The following TEK variants were observed in gnomAD, a reference collection of about 807,000 sequenced individuals.
The protein encoded by TEK is angiopoietin-1 receptor.
In TEK, 43 loss-of-function variants were observed where a neutral mutation model predicts 131.8. The ratio of observed to expected loss-of-function variants is 0.33; its 90% CI spans 0.26 to 0.42. The LOEUF is 0.42. Among genes scored for constraint, TEK ranks in the 10% least tolerant of loss-of-function variants. The probability of loss-of-function intolerance (pLI) is 1.00; values close to 1 mark genes in which losing one functional copy is unlikely to be tolerated. For missense variants in TEK, 1,162 were observed against 1,384.4 expected, an observed-to-expected ratio of 0.84 and a Z score of 2.55; for synonymous variants, 580 against 491.6, an observed-to-expected ratio of 1.18 and a Z score of -2.38.
rs1302771890 is a variant in TEK at position 27,197,550 on chromosome 9, G to T, written c.1860G>T (p.Lys620Asn). 1.2e-6 allele frequency: 2 copies of T among 1,613,948 alleles called. No individual in the cohort carries two copies. Among genetic ancestry groups the T allele is most frequent in the East Asian group, 4.5e-5 (2 of 44,860 alleles). ...QYVVRARVNT[K>N]AQGEWSEDLT... The stretch of plus-strand genomic sequence containing the variant: ...TGGTCCGAGCTAGAGTCAACACCAA[G>T]GCCCAGGGGGAATGGAGTGAAGATC... Residue 620 changes from lysine to asparagine, a missense_variant, in exon 12 of 23, where the codon AAG (lysine) becomes AAT (asparagine). By Grantham distance (94) the Lys-to-Asn change is moderately conservative. Transcript: ENST00000380036.
In TEK at chr9:27,217,677, G is replaced by C; in HGVS notation, c.2992-11G>C. 1 of 1,613,532 alleles carries C rather than the reference G, an allele frequency of 6.2e-7. No homozygotes were observed. The highest frequency in any genetic ancestry group is 1.1e-5 in the South Asian group (1 of 91,074). On this transcript the variant is annotated splice_polypyrimidine_tract_variant and intron_variant, in intron 18 of 22. Transcript: ENST00000380036. Reference sequence around the variant, plus strand: ...TCCCAGTTAAGTGAAATCTCACTTTGTTCTCTCCAGGGAAGGCTCCCAGTG... The same window carrying C: ...TCCCAGTTAAGTGAAATCTCACTTTCTTCTCTCCAGGGAAGGCTCCCAGTG...
chr9:27,128,474 C>T (rs982835892), intron 1 of TEK, among the ~76,000 whole-genome samples: 1 of 152,002 alleles, frequency 6.6e-6, no homozygotes, highest in Non-Finnish European at 1.5e-5. Context: ...TTTTTTGGTT[C>T]CATATGAAAT....
chr9:27,197,293 T>C, intron 11 of TEK, 22 bp from the exon 12 acceptor site: 2 of 1,612,544 alleles, frequency 1.2e-6, no homozygotes, highest in Non-Finnish European at 1.7e-6. Flanking sequence ...ATAAAAATAA[T>C]GATTTTTCTG....
intron 1 of TEK, among the ~76,000 whole-genome samples, chr9:27,151,163 A>G (rs1823114167): frequency 6.6e-6 from 1 of 152,194 alleles, no homozygotes; most frequent in African/African-American, 2.4e-5. Context: ...TCTTCTTGGA[A>G]GGAATCTTGA....
At position 27,226,285 on chromosome 9, in the gene TEK, T is replaced by A. The variant is rs562218384; in HGVS notation, c.3201-1921T>A. On this transcript the variant is annotated intron_variant, in intron 21 of 22. Transcript: ENST00000380036. The stretch of plus-strand genomic sequence containing the variant: ...TACTATAAAGACACATGCACACGTA[T>A]GTTTATTGCAGCACTGTTCACAATA... 2.6e-5 allele frequency among the ~76,000 whole-genome samples: 4 copies of A among 152,370 alleles called. No individual in the cohort carries two copies. The South Asian group carries it at 8.3e-4, about 32-fold the overall frequency.
intron 10 of TEK, among the ~76,000 whole-genome samples, chr9:27,191,424 T>C (rs1193662916): frequency 3.9e-5 from 6 of 152,212 alleles, no homozygotes; most frequent in Admixed American, 6.5e-5. Context: ...GCAAAGAGCA[T>C]TATCAGTGAC....
intron 19 of TEK, among the ~76,000 whole-genome samples, chr9:27,218,130 T>TTGGGGGA (rs9298888): frequency 7.2e-6 from 1 of 139,514 alleles, no homozygotes; most frequent in South Asian, 2.5e-4. Flanking sequence ...GGCCAGACAG[T>TTGGGGGA]GGCGGGGGTC....
intron 1 of TEK, among the ~76,000 whole-genome samples, chr9:27,146,997 G>A (rs1822948836): frequency 6.6e-6 from 1 of 152,230 alleles, no homozygotes; most frequent in East Asian, 1.9e-4. Context: ...CCAAAGTGCT[G>A]GGATTACAGG....
intron 13 of TEK, 119 bp downstream of exon 13, chr9:27,203,238 C>A (rs1825285559): frequency 1.8e-6 from 2 of 1,099,758 alleles, no homozygotes; most frequent in Non-Finnish European, 2.7e-6. Context: ...AATGGACAGG[C>A]ATTTACAGAG....
intron 19 of TEK, among the ~76,000 whole-genome samples, chr9:27,218,534 C>G (rs1421573817): frequency 4.6e-5 from 7 of 152,014 alleles, no homozygotes; most frequent in Non-Finnish European, 1.0e-4. Context: ...GACAGTACCA[C>G]CTTGTAGTCT....
intron 3 of TEK, 149 bp downstream of exon 3, chr9:27,168,754 G>C: frequency 1.4e-6 from 1 of 698,372 alleles, no homozygotes; most frequent in East Asian, 2.8e-5. Context: ...GTGTATGATA[G>C]AAGCCCTCTT....
intron 1 of TEK, among the ~76,000 whole-genome samples, chr9:27,137,625 T>C (rs1822521862): frequency 6.6e-6 from 1 of 152,114 alleles, no homozygotes; most frequent in Non-Finnish European, 1.5e-5. Flanking sequence ...TATATATTTT[T>C]AAACTTACCT....
At chr9:27,210,135 T>C (rs970310126) in intron 16 of TEK, among the ~76,000 whole-genome samples, 1 of 152,244 alleles carries the variant, frequency 6.6e-6, no homozygotes, top group Non-Finnish European at 1.5e-5. Flanking sequence ...TATGATCCAA[T>C]AAGGGTGTAA....
chr9:27,114,272 A>G (rs1297690488), intron 1 of TEK, among the ~76,000 whole-genome samples: 2 of 152,212 alleles, frequency 1.3e-5, no homozygotes, highest in African/African-American at 4.8e-5. Context: ...AGTAACATCG[A>G]AATAATAATA....
rs1824317099 is a variant in TEK, at chr9:27,180,326, C to T, written c.988C>T (p.Leu330Phe). 2 of 1,613,744 alleles carry T rather than the reference C, an allele frequency of 1.2e-6. No homozygotes were observed. The highest frequency in any genetic ancestry group is 1.7e-6 in the Non-Finnish European group (2 of 1,179,836). Residue 330 changes from leucine (L) to phenylalanine (F), a missense_variant, in exon 7 of 23, where the codon CTC (leucine) becomes TTC (phenylalanine). Physicochemically the swap from Leu to Phe is conservative, Grantham distance 22. Coordinates refer to ENST00000380036, the MANE Select transcript of TEK (RefSeq NM_000459.5). Reference protein sequence around the residue: ...GEMCDRFQGCLCSPGWQGLQC... With the variant: ...GEMCDRFQGCFCSPGWQGLQC... ...GATGTGTGATCGCTTCCAAGGATGT[C>T]TCTGCTCTCCAGGATGGCAGGGGCT... is the stretch of plus-strand genomic sequence containing the variant.
chr9:27,172,848 G>A (rs894575463), intron 5 of TEK, 101 bp downstream of exon 5: 24 of 1,508,060 alleles, frequency 1.6e-5, no homozygotes, highest in Non-Finnish European at 1.8e-6. Context: ...GACGCTAAAT[G>A]GCCTCTGTTA....
chr9:27,145,304 T>C (rs1260689302), intron 1 of TEK, among the ~76,000 whole-genome samples: 1 of 152,216 alleles, frequency 6.6e-6, no homozygotes, highest in Non-Finnish European at 1.5e-5. Context: ...ACAGGAACTC[T>C]TCCTTAGCTC....
chr9:27,167,488 A>G (rs1391300270), intron 2 of TEK, among the ~76,000 whole-genome samples: 2 of 152,176 alleles, frequency 1.3e-5, no homozygotes, highest in Non-Finnish European at 2.9e-5. Context: ...GTGGCATCCC[A>G]AAGGGCTGGG....
Position 27,197,339 on chromosome 9 carries a change from A to G in TEK, c.1649A>G (p.Asn550Ser). 1 of 1,614,060 alleles carries G rather than the reference A, an allele frequency of 6.2e-7. No individual in the cohort carries two copies. Among genetic ancestry groups the G allele is most frequent in the Non-Finnish European group, 8.5e-7 (1 of 1,179,978 alleles). The change falls in exon 12 of 23, where the codon AAT becomes AGT. Residue 550 changes from asparagine (N) to serine (S), a missense_variant. Asn to Ser is a conservative substitution (Grantham distance 46, BLOSUM62 1). Coordinates refer to ENST00000380036, the MANE Select transcript of TEK (RefSeq NM_000459.5). ...GGACTCCCTCCTCCAAGAGGTCTAA[A>G]TCTCCTGCCTAAAAGTCAGACCACT... ...SIGLPPPRGL[N>S]LLPKSQTTLN... is the part of the protein sequence containing the mutation.
Sources: allele counts gnomAD v4.1 joint callset (sites outside exome capture counted in the v4.1 genomes callset), GRCh38; gene constraint gnomAD v4.1.1; transcripts MANE v1.5; gene names NCBI Gene and HGNC (gene_info 2026-07-23, HGNC 2026-07-21).